FMN1: variants seen among roughly 807,000 people sequenced by gnomAD.
FMN1 encodes formin-1.
FMN1 carries 110 observed loss-of-function variants against 132.4 expected under a neutral mutation model. The observed-to-expected ratio is 0.83, with a 90% CI of 0.71 to 0.97. The LOEUF is 0.97. Among genes scored for constraint, FMN1 ranks in the 50% least tolerant of loss-of-function variants. The probability of loss-of-function intolerance (pLI) is 0.00; values close to 1 mark genes in which losing one functional copy is unlikely to be tolerated. For missense variants in FMN1, 1,792 were observed against 1,705.3 expected (o/e 1.05, Z -0.90); for synonymous variants, 722 against 651.7 (o/e 1.11, Z -1.64).
intron 6 of FMN1, among the ~76,000 whole-genome samples, chr15:33,045,017 T>C (rs755651169): frequency 1.8e-4 from 28 of 152,202 alleles, no homozygotes; most frequent in Non-Finnish European, 3.7e-4. Context: ...AGAAAAGAGC[T>C]GCCACCCTTC....
chr15:32,954,568 G>A (rs529664987), intron 9 of FMN1, among the ~76,000 whole-genome samples: 1 of 151,618 alleles, frequency 6.6e-6, no homozygotes, highest in South Asian at 2.1e-4. Flanking sequence ...GTCAGAGTCA[G>A]AATTAGAAAT....
chr15:32,959,784 A>G (rs1400945800), intron 9 of FMN1, among the ~76,000 whole-genome samples: 1 of 152,254 alleles, frequency 6.6e-6, no homozygotes, highest in African/African-American at 2.4e-5. Context: ...AAAAACAAAT[A>G]TTCATTCACC....
At chr15:32,791,110 G>C (rs2057061061) in intron 19 of FMN1, among the ~76,000 whole-genome samples, 1 of 152,162 alleles carries the variant, frequency 6.6e-6, no homozygotes, top group African/African-American at 2.4e-5. Flanking sequence ...GTGCAGGTGT[G>C]AGACAGTGAG....
chr15:33,019,785 G>C (rs1490679979), intron 6 of FMN1, among the ~76,000 whole-genome samples: 3 of 152,178 alleles, frequency 2.0e-5, no homozygotes, highest in Non-Finnish European at 4.4e-5. Context: ...GGCCCGCCAA[G>C]CCCATGCCCA....
chr15:33,012,736 G>A (rs2140968018), intron 6 of FMN1: 1 of 746,364 alleles, frequency 1.3e-6, no homozygotes, highest in Non-Finnish European at 2.5e-6. Flanking sequence ...TGGCCATGGA[G>A]GTGGTTTTGG....
At chr15:33,180,862 G>A (rs1451883461) in intron 2 of FMN1, among the ~76,000 whole-genome samples, 5 of 150,716 alleles carry the variant, frequency 3.3e-5, no homozygotes, top group Non-Finnish European at 7.4e-5. Flanking sequence ...CCATTCATCG[G>A]CCTCAGCCTC....
At chr15:33,006,375 C>CA (rs59858947) in intron 7 of FMN1, among the ~76,000 whole-genome samples, 39 of 151,784 alleles carry the variant, frequency 2.6e-4, no homozygotes, top group African/African-American at 9.2e-4. Flanking sequence ...TCGCTATTGC[C>CA]AAAAAAAGAC....
intron 5 of FMN1, among the ~76,000 whole-genome samples, chr15:33,088,001 C>T (rs968280412): frequency 6.6e-5 from 10 of 152,144 alleles, no homozygotes; most frequent in African/African-American, 2.4e-4. Flanking sequence ...TAAGTGGGAG[C>T]TAAGCTATGA....
intron 3 of FMN1, among the ~76,000 whole-genome samples, chr15:33,178,370 ATTT>A (rs1436094325): frequency 6.6e-6 from 1 of 152,026 alleles, no homozygotes; most frequent in Non-Finnish European, 1.5e-5. Context: ...AAAGGCAAAA[ATTT>A]TCAACTTGAG....
intron 17 of FMN1, among the ~76,000 whole-genome samples, chr15:32,840,733 C>A (rs1334610701): frequency 6.6e-6 from 1 of 152,086 alleles, no homozygotes; most frequent in Non-Finnish European, 1.5e-5. Context: ...GGAAATGGTA[C>A]AAACATGAGA....
intron 17 of FMN1, among the ~76,000 whole-genome samples, chr15:32,826,813 T>C (rs893566983): frequency 6.6e-6 from 1 of 152,228 alleles, no homozygotes; most frequent in Non-Finnish European, 1.5e-5. Flanking sequence ...GTGGAAATGC[T>C]ATTCTCTTAT....
chr15:33,088,695 A>G (rs1270568721), intron 5 of FMN1, 104 bp downstream of exon 5: 9 of 987,608 alleles, frequency 9.1e-6, no homozygotes, highest in Non-Finnish European at 1.3e-5. Context: ...AATGATCCAT[A>G]CATTAAATGC....
In FMN1 at chr15:33,010,272, A is replaced by G. The variant is rs539309430; in HGVS notation, c.2162-2197T>C. Among the ~76,000 whole-genome samples, 7 of 152,258 alleles carry G rather than the reference A, an allele frequency of 4.6e-5. No individual in the cohort carries two copies. In the East Asian group the frequency reaches 1.4e-3, roughly 29 times the overall value. On this transcript the variant is annotated intron_variant, in intron 6 of 20. Coordinates refer to ENST00000616417, the MANE Select transcript of FMN1 (RefSeq NM_001277313.2). ...GAAAAGACAATCTAGAGGGATGAAGAACAGATCAGAATAGTAGTTGCCAGA... is the reference window on the plus strand; with the variant it reads ...GAAAAGACAATCTAGAGGGATGAAGGACAGATCAGAATAGTAGTTGCCAGA...
chr15:32,829,488 T>C (rs573651237), intron 17 of FMN1, among the ~76,000 whole-genome samples: 28 of 152,318 alleles, frequency 1.8e-4, no homozygotes, highest in Admixed American at 5.9e-4. Context: ...TTAAAATTAA[T>C]ATTAAGGGCT....
At chr15:32,801,761 A>C (rs983961705) in intron 18 of FMN1, among the ~76,000 whole-genome samples, 14 of 152,188 alleles carry the variant, frequency 9.2e-5, no homozygotes, top group East Asian at 1.9e-4. Context: ...CGCCACTGCA[A>C]TCCAGCCTGG....
At chr15:32,781,981 G>C (rs2056679972) in intron 19 of FMN1, among the ~76,000 whole-genome samples, 1 of 152,158 alleles carries the variant, frequency 6.6e-6, no homozygotes, top group African/African-American at 2.4e-5. Context: ...ATGACGGTCT[G>C]AGTCATTTCC....
At chr15:32,824,748 C>T (rs113120437) in intron 17 of FMN1, among the ~76,000 whole-genome samples, 24 of 152,294 alleles carry the variant, frequency 1.6e-4, no homozygotes, top group African/African-American at 4.3e-4. Context: ...TGTGAGCCAC[C>T]GTGCCCCAGC....
At chr15:32,775,842 T>C (rs2056399575) in intron 20 of FMN1, among the ~76,000 whole-genome samples, 1 of 152,156 alleles carries the variant, frequency 6.6e-6, no homozygotes, top group African/African-American at 2.4e-5. Flanking sequence ...AAGGTACTAA[T>C]AATCTAAAAG....
At chr15:32,963,152 A>G (rs1382284152) in intron 9 of FMN1, among the ~76,000 whole-genome samples, 2 of 150,892 alleles carry the variant, frequency 1.3e-5, no homozygotes, top group African/African-American at 2.5e-5. Context: ...ACCATGGAAT[A>G]CTATGCAGCC....
Sources: allele counts gnomAD v4.1 joint callset (sites outside exome capture counted in the v4.1 genomes callset), GRCh38; gene constraint gnomAD v4.1.1; transcripts MANE v1.5; gene names NCBI Gene and HGNC (gene_info 2026-07-23, HGNC 2026-07-21).